Variants in EBF1 observed in about 807,000 individuals in gnomAD.
The protein encoded by EBF1 is transcription factor COE1.
A neutral mutation model predicts 68.4 loss-of-function variants in EBF1; 10 were observed. That is an observed-to-expected ratio of 0.15 (90% CI 0.09 to 0.25). The LOEUF (loss-of-function observed/expected upper bound fraction) is 0.25. Among genes scored for constraint, EBF1 ranks in the 10% least tolerant of loss-of-function variants. The pLI, the probability that EBF1 is intolerant of heterozygous loss-of-function variation, is 1.00. For missense variants in EBF1, 509 were observed against 794.4 expected (o/e 0.64, Z 4.32); for synonymous variants, 298 against 299.8 (o/e 0.99, Z 0.06).
At chr5:158,718,480 C>T (rs2127507392) in intron 11 of EBF1, among the ~76,000 whole-genome samples, 1 of 152,266 alleles carries the variant, frequency 6.6e-6, no homozygotes, top group East Asian at 1.9e-4. Flanking sequence ...CCTCTGAAGC[C>T]TCGTACTGAA....
At chr5:158,750,449 T>C (rs34103632) in intron 10 of EBF1, among the ~76,000 whole-genome samples, 2,359 of 152,208 alleles carry the variant, frequency 0.015, 64 homozygotes, top group African/African-American at 0.054. Context: ...GGGCAGATAA[T>C]ATACATTTAG....
chr5:158,927,078 T>C (rs539792287), intron 6 of EBF1, among the ~76,000 whole-genome samples: 5 of 152,352 alleles, frequency 3.3e-5, no homozygotes, highest in African/African-American at 1.2e-4. Flanking sequence ...AATGTGGATC[T>C]GAGGTGAGAA....
intron 6 of EBF1, among the ~76,000 whole-genome samples, chr5:158,911,358 C>A (rs1805934171): frequency 6.6e-6 from 1 of 152,194 alleles, no homozygotes; most frequent in Non-Finnish European, 1.5e-5. Flanking sequence ...AGGTCAGAGA[C>A]ATGACTGTTT....
chr5:158,921,424 T>C (rs1212145054), intron 6 of EBF1, among the ~76,000 whole-genome samples: 1 of 152,248 alleles, frequency 6.6e-6, no homozygotes, highest in Non-Finnish European at 1.5e-5. Context: ...AGGACTCGCA[T>C]CTGCTCCTAT....
chr5:158,967,342 C>A (rs1025587758), intron 6 of EBF1, among the ~76,000 whole-genome samples: 1 of 152,084 alleles, frequency 6.6e-6, no homozygotes, highest in Non-Finnish European at 1.5e-5. Context: ...AATTATGGAC[C>A]AGAATCAATA....
At chr5:158,829,453 G>A (rs765061691) in intron 7 of EBF1, among the ~76,000 whole-genome samples, 3 of 151,552 alleles carry the variant, frequency 2.0e-5, no homozygotes, top group Non-Finnish European at 2.9e-5. Context: ...CCAAAGTGCT[G>A]GGATTATAGT....
intron 15 of EBF1, among the ~76,000 whole-genome samples, chr5:158,705,054 G>C (rs946598152): frequency 2.0e-5 from 3 of 152,152 alleles, no homozygotes; most frequent in Admixed American, 2.0e-4. Context: ...CACGATCTCA[G>C]CTCACTGCAA....
chr5:158,811,144 G>A (rs1782577109), intron 8 of EBF1, among the ~76,000 whole-genome samples: 1 of 152,162 alleles, frequency 6.6e-6, no homozygotes, highest in African/African-American at 2.4e-5. Flanking sequence ...CTGGCACAGG[G>A]AGTTTGAGAT....
intron 6 of EBF1, among the ~76,000 whole-genome samples, chr5:158,891,283 TA>T (rs1801121338): frequency 6.6e-6 from 1 of 152,198 alleles, no homozygotes; most frequent in African/African-American, 2.4e-5. Flanking sequence ...GTTAGAAAAC[TA>T]AGTGCAGTGG....
chr5:158,715,885 C>T (rs991186755), intron 11 of EBF1, among the ~76,000 whole-genome samples: 3 of 152,154 alleles, frequency 2.0e-5, no homozygotes, highest in East Asian at 1.9e-4. Context: ...AGTTTATTTA[C>T]TAAGATTAGA....
At chr5:158,977,590 C>T (rs1380344360) in intron 6 of EBF1, among the ~76,000 whole-genome samples, 1 of 152,168 alleles carries the variant, frequency 6.6e-6, no homozygotes, top group Non-Finnish European at 1.5e-5. Flanking sequence ...AGTTCAGAAA[C>T]ATCAGCACAG....
chr5:158,831,153 T>C (rs951676367), intron 7 of EBF1, among the ~76,000 whole-genome samples: 1 of 152,180 alleles, frequency 6.6e-6, no homozygotes, highest in African/African-American at 2.4e-5. Flanking sequence ...GTGCTCTCTG[T>C]GTGTGTGTCC....
intron 6 of EBF1, among the ~76,000 whole-genome samples, chr5:159,050,899 T>G (rs1274870408): frequency 1.3e-5 from 2 of 152,206 alleles, no homozygotes; most frequent in African/African-American, 4.8e-5. Flanking sequence ...CTTTAGAGCC[T>G]TTGACACATA....
At chr5:158,998,805 C>T (rs918028432) in intron 6 of EBF1, among the ~76,000 whole-genome samples, 1 of 152,066 alleles carries the variant, frequency 6.6e-6, no homozygotes, top group Non-Finnish European at 1.5e-5. Context: ...AGGCCAGCAC[C>T]GGTGCTTTTA....
chr5:158,976,548 T>A (rs1756799696), intron 6 of EBF1, among the ~76,000 whole-genome samples: 1 of 151,720 alleles, frequency 6.6e-6, no homozygotes, highest in South Asian at 2.1e-4. Flanking sequence ...AAAGTATTGA[T>A]CACAATTAGA....
chr5:158,968,090 C>T (rs990750175), intron 6 of EBF1, among the ~76,000 whole-genome samples: 3 of 150,442 alleles, frequency 2.0e-5, no homozygotes, highest in Non-Finnish European at 4.4e-5. Context: ...CAAATAATTG[C>T]AAAAAAAAAT....
intron 6 of EBF1, among the ~76,000 whole-genome samples, chr5:159,012,180 G>A (rs534636402): frequency 1.9e-4 from 29 of 152,132 alleles, no homozygotes; most frequent in Admixed American, 1.3e-3. Context: ...CCAGCTACTC[G>A]GGAGGCTGAG....
intron 6 of EBF1, among the ~76,000 whole-genome samples, chr5:159,054,335 C>A (rs1051301980): frequency 1.3e-5 from 2 of 152,160 alleles, no homozygotes; most frequent in Non-Finnish European, 2.9e-5. Context: ...CCATGGGACT[C>A]ACAATTTTAT....
chr5:158,708,292 G>A (rs536943835), intron 14 of EBF1, 119 bp from the exon 15 acceptor site: 2 of 1,004,316 alleles, frequency 2.0e-6, no homozygotes, highest in East Asian at 2.6e-5. Flanking sequence ...GATGCTTCCA[G>A]CACAAACCTT....
Sources: gnomAD v4.1 joint callset for allele counts (sites outside exome capture counted in the v4.1 genomes callset) on GRCh38, gnomAD v4.1.1 for gene constraint, MANE v1.5 for transcripts, NCBI Gene and HGNC (gene_info 2026-07-23, HGNC 2026-07-21) for gene names.